Variants in LEO1 observed in about 807,000 individuals in gnomAD.
LEO1 encodes LEO1 component of Paf1/RNA polymerase II complex.
A neutral mutation model predicts 80.4 loss-of-function variants in LEO1; 34 were observed. The observed-to-expected ratio is 0.42, with a 90% CI of 0.32 to 0.56. LEO1 has a LOEUF of 0.56. Ranked by LOEUF, LEO1 falls within the 20% of genes least tolerant of loss-of-function variation. LEO1 has a pLI of 0.10. For missense variants in LEO1, 631 were observed against 814.2 expected, an observed-to-expected ratio of 0.77 and a Z score of 2.74; for synonymous variants, 262 against 274.9, an observed-to-expected ratio of 0.95 and a Z score of 0.46.
intron 5 of LEO1, 45 bp from the exon 6 acceptor site, chr15:51,958,871 GAAT>G: frequency 1.0e-6 from 1 of 970,652 alleles, no homozygotes; most frequent in Non-Finnish European, 1.6e-6. Context: ...ATTTTATAAA[GAAT>G]ATTACTGCTA....
chr15:51,960,196 C>T (rs2057019367), intron 4 of LEO1, 152 bp from the exon 5 acceptor site: 1 of 574,160 alleles, frequency 1.7e-6, no homozygotes, highest in Non-Finnish European at 3.0e-6. Flanking sequence ...AACCCACCTA[C>T]ACACAAAATG....
intron 5 of LEO1, 144 bp downstream of exon 5, chr15:51,959,755 C>A: frequency 1.5e-6 from 1 of 659,506 alleles, no homozygotes; most frequent in East Asian, 2.9e-5. Flanking sequence ...TTTTCTATCT[C>A]AGGATGTGCT....
intron 1 of LEO1, among the ~76,000 whole-genome samples, chr15:51,968,835 A>C (rs1259552278): frequency 1.3e-5 from 2 of 152,236 alleles, no homozygotes; most frequent in African/African-American, 4.8e-5. Context: ...TCTCAAAAAA[A>C]AAAAGGAAAG....
In LEO1 at chr15:51,966,472, G is replaced by C. The variant is rs1271013612; in HGVS notation, c.91C>G (p.Gln31Glu). The change falls in exon 2 of 12, where the codon CAA (glutamine) becomes GAA (glutamate). Residue 31 changes from glutamine (Q) to glutamate (E), a missense_variant. Gln to Glu is a conservative substitution (Grantham distance 29). Transcript: ENST00000299601. The part of the protein sequence containing the change: ...SDSGSDSDSD[Q>E]ENAASGSNAS... The stretch of plus-strand genomic sequence containing the variant: ...TTACTGCCAGAGGCAGCATTCTCTT[G>C]ATCAGAATCTGAGTCAGATCCAGAA... The C allele has an allele frequency of 6.2e-7, 1 of 1,610,464 alleles. No individual in the cohort carries two copies. Among genetic ancestry groups the C allele is most frequent in the Admixed American group, 1.7e-5 (1 of 59,768 alleles).
At chr15:51,954,762 G>GA (rs1031119094) in intron 6 of LEO1, 187 bp from the exon 7 acceptor site, 20 of 549,260 alleles carry the variant, frequency 3.6e-5, no homozygotes, top group Non-Finnish European at 5.2e-5. Flanking sequence ...TAAAAGCAGG[G>GA]AAAAAAATAT....
chr15:51,961,714 T>G (rs2057032486), intron 3 of LEO1, among the ~76,000 whole-genome samples: 1 of 150,688 alleles, frequency 6.6e-6, no homozygotes. Context: ...TTTTATGAGC[T>G]CTTCATCTAA....
intron 3 of LEO1, 75 bp downstream of exon 3, chr15:51,962,314 A>T: frequency 1.1e-6 from 1 of 948,314 alleles, no homozygotes; most frequent in Non-Finnish European, 1.6e-6. Flanking sequence ...AAACACACTC[A>T]GGGTTAGAAA....
intron 2 of LEO1, 36 bp from the exon 3 acceptor site, chr15:51,962,529 T>A (rs377061651): frequency 1.4e-6 from 2 of 1,428,260 alleles, no homozygotes; most frequent in South Asian, 2.4e-5. Flanking sequence ...GCATAATCAG[T>A]CGCATTAGTT....
intron 2 of LEO1, among the ~76,000 whole-genome samples, chr15:51,962,932 C>A (rs2057043309): frequency 1.3e-5 from 2 of 150,196 alleles, no homozygotes; most frequent in South Asian, 2.1e-4. Flanking sequence ...CATGCCCCCC[C>A]CCCAAAAAAT....
intron 11 of LEO1, among the ~76,000 whole-genome samples, chr15:51,941,953 C>T (rs2056856453): frequency 1.3e-5 from 2 of 152,262 alleles, no homozygotes; most frequent in African/African-American, 4.8e-5. Flanking sequence ...AAAATCGATG[C>T]AGTTCACTCT....
intron 1 of LEO1, among the ~76,000 whole-genome samples, chr15:51,969,527 C>T (rs1445889695): frequency 2.7e-5 from 4 of 150,272 alleles, no homozygotes; most frequent in Non-Finnish European, 3.0e-5. Flanking sequence ...CCCAGCTATT[C>T]GGGAGGATAA....
chr15:51,958,599 T>A, intron 6 of LEO1, 143 bp downstream of exon 6: 1 of 611,148 alleles, frequency 1.6e-6, no homozygotes, highest in Non-Finnish European at 2.9e-6. Context: ...TCTTTCCTAA[T>A]AGTCAACAAA....
intron 8 of LEO1, among the ~76,000 whole-genome samples, chr15:51,952,759 A>T (rs1207550684): frequency 6.6e-6 from 1 of 152,170 alleles, no homozygotes; most frequent in Non-Finnish European, 1.5e-5. Context: ...GATTGCATGC[A>T]CAACAACAAC....
At position 51,953,245 on chromosome 15, in the gene LEO1, G is replaced by A. The variant is rs762549423; in HGVS notation, c.1359C>T (p.Gly453=). The A allele has an allele frequency of 1.2e-6, 2 of 1,613,354 alleles. No homozygotes were observed. The highest frequency in any genetic ancestry group is 2.2e-5 in the East Asian group (1 of 44,888). The change falls in exon 8 of 12, where the codon GGC becomes GGT. Residue 453 remains glycine, a synonymous_variant. Transcript: ENST00000299601. ...CTTTGTACACATCAAACACTTCATT[G>A]CCTAAATGCAGGGACATGCTGGAAA... ...WSDGSMSLHL[G]NEVFDVYKAP... is the part of the protein sequence containing the mutation.
Sources: gnomAD v4.1 joint callset for allele counts (sites outside exome capture counted in the v4.1 genomes callset) on GRCh38, gnomAD v4.1.1 for gene constraint, MANE v1.5 for transcripts, NCBI Gene and HGNC (gene_info 2026-07-23, HGNC 2026-07-21) for gene names.